Variants in RPS6KC1 observed in about 807,000 individuals in gnomAD.
RPS6KC1 encodes the protein ribosomal protein S6 kinase C1.
Under a neutral mutation model 103.8 loss-of-function variants are expected in RPS6KC1, and 54 were observed. The ratio of observed to expected loss-of-function variants is 0.52; its 90% CI spans 0.42 to 0.65. The LOEUF (loss-of-function observed/expected upper bound fraction) is 0.65, where lower values mean the gene tolerates loss of function less well. Ranked by LOEUF, RPS6KC1 falls within the 30% of genes least tolerant of loss-of-function variation. The pLI, the probability that RPS6KC1 is intolerant of heterozygous loss-of-function variation, is 0.00. For missense variants in RPS6KC1, 1,151 were observed against 1,253.8 expected (o/e 0.92, Z 1.24); for synonymous variants, 439 against 438.7 (o/e 1.00, Z -0.01).
the RPS6KC1 span, among the ~76,000 whole-genome samples, chr1:213,749,625 G>T: frequency 2.0e-5 from 3 of 152,108 alleles, no homozygotes; most frequent in Admixed American, 6.6e-5. Flanking sequence ...GGCACTGCAG[G>T]GTGCCAAGAG....
At chr1:213,792,605 T>C in the RPS6KC1 span, among the ~76,000 whole-genome samples, 9 of 152,180 alleles carry the variant, frequency 5.9e-5, no homozygotes, top group East Asian at 1.9e-4. Flanking sequence ...TGTGGACTTA[T>C]AGATTATGGA....
chr1:213,754,279 A>G, the RPS6KC1 span, among the ~76,000 whole-genome samples: 2 of 151,608 alleles, frequency 1.3e-5, no homozygotes, highest in East Asian at 3.9e-4. Context: ...GAGCAATCTC[A>G]CTCTTCTTCT....
At chr1:213,271,346 C>T (rs1282801168) in intron 14 of RPS6KC1, among the ~76,000 whole-genome samples, 1 of 152,036 alleles carries the variant, frequency 6.6e-6, no homozygotes, top group African/African-American at 2.4e-5. Flanking sequence ...TATTATTTTA[C>T]TTATATGAAA....
the RPS6KC1 span, among the ~76,000 whole-genome samples, chr1:213,363,621 G>GCTTTCTTTCTTTCTTTCTTT: frequency 2.3e-5 from 2 of 85,968 alleles, no homozygotes; most frequent in Non-Finnish European, 4.6e-5. Flanking sequence ...TTGCTTGCTT[G>GCTTTCTTTCTTTCTTTCTTT]CTTGCTTTCT....
chr1:213,152,986 C>T (rs1221945937), intron 6 of RPS6KC1, among the ~76,000 whole-genome samples: 1 of 152,230 alleles, frequency 6.6e-6, no homozygotes, highest in Non-Finnish European at 1.5e-5. Flanking sequence ...ATCTGCAATC[C>T]CGGCACCTCA....
chr1:213,582,670 T>C, the RPS6KC1 span, among the ~76,000 whole-genome samples: 1 of 152,216 alleles, frequency 6.6e-6, no homozygotes, highest in South Asian at 2.1e-4. Context: ...CTACTCTGGA[T>C]TGGGAAGAAG....
At chr1:213,782,532 C>T in the RPS6KC1 span, among the ~76,000 whole-genome samples, 35 of 151,980 alleles carry the variant, frequency 2.3e-4, no homozygotes, top group Middle Eastern at 3.4e-3. Flanking sequence ...ATAGTGTCCA[C>T]GTAGCTCCAA....
intron 7 of RPS6KC1, among the ~76,000 whole-genome samples, chr1:213,175,171 T>C (rs10864038): frequency 0.73 from 111,055 of 152,016 alleles, 41,413 homozygotes; most frequent in African/African-American, 0.88. Context: ...CTCCTTTCTC[T>C]CTCCTCTCCT....
the RPS6KC1 span, among the ~76,000 whole-genome samples, chr1:213,303,586 G>A: frequency 6.6e-6 from 1 of 152,078 alleles, no homozygotes; most frequent in Non-Finnish European, 1.5e-5. Flanking sequence ...CCGTACCCTG[G>A]CTGTGTTTCT....
the RPS6KC1 span, among the ~76,000 whole-genome samples, chr1:213,415,560 C>T: frequency 6.6e-6 from 1 of 152,224 alleles, no homozygotes; most frequent in Non-Finnish European, 1.5e-5. Context: ...GGCAGCTTCA[C>T]TTCCAGCCCC....
chr1:213,636,475 C>A, the RPS6KC1 span, among the ~76,000 whole-genome samples: 21,378 of 152,076 alleles, frequency 0.14, 2,367 homozygotes, highest in African/African-American at 0.31. Flanking sequence ...ATCTACAACT[C>A]TCTGATCTTT....
At chr1:213,215,077 T>C (rs901860804) in intron 8 of RPS6KC1, among the ~76,000 whole-genome samples, 1 of 152,156 alleles carries the variant, frequency 6.6e-6, no homozygotes, top group Non-Finnish European at 1.5e-5. Flanking sequence ...ATCAAACTAC[T>C]CTGAGCTAAA....
the RPS6KC1 span, among the ~76,000 whole-genome samples, chr1:213,462,373 A>G: frequency 6.6e-6 from 1 of 152,226 alleles, no homozygotes; most frequent in Admixed American, 6.5e-5. Flanking sequence ...ATCTAGAACC[A>G]GAAATACCGT....
chr1:213,605,503 T>C, the RPS6KC1 span, among the ~76,000 whole-genome samples: 1 of 151,934 alleles, frequency 6.6e-6, no homozygotes, highest in Admixed American at 6.6e-5. Flanking sequence ...TGAGTGGCCC[T>C]CAAAGACTTA....
chr1:213,782,693 A>T, the RPS6KC1 span, among the ~76,000 whole-genome samples: 1 of 152,180 alleles, frequency 6.6e-6, no homozygotes, highest in Non-Finnish European at 1.5e-5. Context: ...AAAAGGAAGA[A>T]GGAGGAGAAA....
the RPS6KC1 span, among the ~76,000 whole-genome samples, chr1:213,654,513 T>C: frequency 6.6e-6 from 1 of 152,166 alleles, no homozygotes; most frequent in Admixed American, 6.5e-5. Context: ...GTACTGAAAG[T>C]ATTTATTGTT....
At chr1:213,536,186 T>G in the RPS6KC1 span, among the ~76,000 whole-genome samples, 1 of 152,182 alleles carries the variant, frequency 6.6e-6, no homozygotes, top group African/African-American at 2.4e-5. Context: ...ACAAAGTGTT[T>G]CGGCCCTTCA....
At position 213,242,678 on chromosome 1, in the gene RPS6KC1, A is replaced by G. The variant is rs1372351393; in HGVS notation, c.2911+20A>G. ...CCCCAGGTTAGAGCAATCTCCTAAA[A>G]TGTTTCACTTGAAAAAGTGGTTCGG... On this transcript the variant is annotated intron_variant, in intron 12 of 14. Coordinates refer to ENST00000366960, the MANE Select transcript of RPS6KC1 (RefSeq NM_012424.6). The G allele has an allele frequency of 1.3e-6, 2 of 1,577,576 alleles. No homozygotes were observed. The highest frequency in any genetic ancestry group is 1.7e-6 in the Non-Finnish European group (2 of 1,150,844).
Position 213,262,805 on chromosome 1 carries a change from C to G in RPS6KC1, c.3079C>G (p.Leu1027Val). ...ATGTGTCTCTGAAGAGGCTCGCTCACTCATTCAACAGGTAATTTAACTGAC... is the reference window on the plus strand; with the variant it reads ...ATGTGTCTCTGAAGAGGCTCGCTCAGTCATTCAACAGGTAATTTAACTGAC... ...PECVSEEARSLIQQLLQFNPL... is the reference protein window; with the variant it reads ...PECVSEEARSVIQQLLQFNPL... Residue 1027 changes from leucine (L) to valine (V), a missense_variant, in exon 14 of 15, where the codon CTC becomes GTC. Physicochemically the swap from Leu to Val is conservative, Grantham distance 32 (BLOSUM62 1). Around this residue, in one of 3 missense-constraint regions of RPS6KC1, gnomAD observed 189 missense variants for 228.8 expected, o/e 0.83. Transcript: ENST00000366960. 1 of 1,603,050 alleles carries G rather than the reference C, an allele frequency of 6.2e-7. No homozygotes were observed. Among genetic ancestry groups the G allele is most frequent in the Non-Finnish European group, 8.5e-7 (1 of 1,169,876 alleles).
Sources: gnomAD v4.1 joint callset for allele counts (sites outside exome capture counted in the v4.1 genomes callset) on GRCh38, gnomAD v4.1.1 for gene constraint, gnomAD v4.1.1 regional missense constraint, MANE v1.5 for transcripts, NCBI Gene and HGNC (gene_info 2026-07-23, HGNC 2026-07-21) for gene names.